Variants in PIP5K1B observed in about 807,000 individuals in gnomAD.
The protein encoded by PIP5K1B is phosphatidylinositol 4-phosphate 5-kinase type-1 beta.
A neutral mutation model predicts 67.0 loss-of-function variants in PIP5K1B; 42 were observed. That is an observed-to-expected ratio of 0.63 (90% confidence interval 0.49 to 0.81). The LOEUF (loss-of-function observed/expected upper bound fraction) is 0.81. PIP5K1B is among the 30% of genes least tolerant of loss of function. The probability of loss-of-function intolerance (pLI) is 0.00; values close to 1 mark genes in which losing one functional copy is unlikely to be tolerated. For synonymous variants in PIP5K1B, 214 were observed against 231.4 expected, an observed-to-expected ratio of 0.92 and a Z score of 0.68; for missense variants, 459 against 646.3, an observed-to-expected ratio of 0.71 and a Z score of 3.14.
chr9:68,881,696 T>C (rs1824206824), intron 6 of PIP5K1B, among the ~76,000 whole-genome samples: 1 of 152,216 alleles, frequency 6.6e-6, no homozygotes, highest in Non-Finnish European at 1.5e-5. Context: ...ATTTGGATTG[T>C]GAGACAGTAT....
chr9:68,977,891 C>T (rs1200408937), intron 14 of PIP5K1B, among the ~76,000 whole-genome samples: 1 of 152,018 alleles, frequency 6.6e-6, no homozygotes, highest in Non-Finnish European at 1.5e-5. Context: ...TTGTGATCCA[C>T]CCACCTTGGC....
In PIP5K1B at chr9:68,962,319, T is replaced by C. The variant is rs1587726251; in HGVS notation, c.1502+21529T>C. Among the ~76,000 whole-genome samples the C allele has an allele frequency of 3.3e-5, 5 of 152,314 alleles. No homozygotes were observed. In the South Asian group the frequency reaches 1.0e-3, roughly 32 times the overall value. On this transcript the variant is annotated intron_variant, in intron 14 of 15. Transcript: ENST00000265382. ...CTAACTAAAGGCAGAAATGTTATTTTTCATATGCAAGTAGAAAAATCAATC... is the reference window on the plus strand; with the variant it reads ...CTAACTAAAGGCAGAAATGTTATTTCTCATATGCAAGTAGAAAAATCAATC...
intron 15 of PIP5K1B, among the ~76,000 whole-genome samples, chr9:68,996,755 G>A (rs989767422): frequency 2.0e-5 from 3 of 152,212 alleles, no homozygotes; most frequent in Non-Finnish European, 2.9e-5. Flanking sequence ...AGTGTATTGG[G>A]AGAGAATATC....
intron 2 of PIP5K1B, chr9:68,782,016 C>T (rs1251326376): frequency 6.0e-6 from 1 of 167,036 alleles, no homozygotes; most frequent in Non-Finnish European, 1.5e-5. Context: ...ACAGGAGCCA[C>T]AGCAATTTTT....
In PIP5K1B at chr9:68,760,885, A is replaced by G. The variant is rs114393301; in HGVS notation, c.-86+18228A>G. Among the ~76,000 whole-genome samples the G allele has an allele frequency of 3.1e-3, 475 of 152,198 alleles. 3 individuals carry two copies. Among genetic ancestry groups the G allele is most frequent in the Middle Eastern group, 0.017 (5 of 292 alleles). On this transcript the variant is annotated intron_variant, in intron 2 of 15. Coordinates refer to ENST00000265382, the MANE Select transcript of PIP5K1B (RefSeq NM_003558.4). ...TTCATTCTAAAGAGTCCTATTCTCA[A>G]ATTTTCCTGTTGACATGTTCTACCT...
rs1016870967 is a variant in PIP5K1B, at chr9:68,966,057, A to C, written c.1503-25083A>C. Among the ~76,000 whole-genome samples the C allele has an allele frequency of 3.9e-5, 6 of 152,062 alleles. No individual in the cohort carries two copies. In the East Asian group the frequency reaches 1.2e-3, roughly 29 times the overall value. ...AGAGGGCACAGGAGCTGACTGAAAG[A>C]GCTCTCAATAGCTAAAATTGGAACA... On this transcript the variant is annotated intron_variant, in intron 14 of 15. Transcript: ENST00000265382.
intron 7 of PIP5K1B, among the ~76,000 whole-genome samples, chr9:68,893,333 C>CTTTTTTTTTTTT (rs397792694): frequency 1.8e-5 from 2 of 110,954 alleles, no homozygotes; most frequent in Non-Finnish European, 3.4e-5. Context: ...TATTTTTTTT[C>CTTTTTTTTTTTT]TTTTTTTTTT....
chr9:68,896,314 T>C (rs1191378314), intron 8 of PIP5K1B, among the ~76,000 whole-genome samples: 1 of 151,402 alleles, frequency 6.6e-6, no homozygotes, highest in Non-Finnish European at 1.5e-5. Flanking sequence ...AAAGCCTTTA[T>C]CTGCTGCCTT....
chr9:68,914,757 A>C (rs1028999404), intron 8 of PIP5K1B, among the ~76,000 whole-genome samples: 5 of 152,094 alleles, frequency 3.3e-5, no homozygotes, highest in Admixed American at 3.3e-4. Context: ...AAAAAGAAAA[A>C]GACAAGAGAA....
chr9:68,792,368 C>T (rs559416059), intron 2 of PIP5K1B, among the ~76,000 whole-genome samples: 3 of 152,260 alleles, frequency 2.0e-5, no homozygotes, highest in Admixed American at 6.5e-5. Flanking sequence ...ATGATATTTG[C>T]GGTGAGATTT....
intron 3 of PIP5K1B, among the ~76,000 whole-genome samples, chr9:68,819,725 T>A (rs1833634142): frequency 6.6e-6 from 1 of 152,188 alleles, no homozygotes; most frequent in African/African-American, 2.4e-5. Context: ...AGTTTACCAG[T>A]ACATCCCCAA....
chr9:68,994,365 T>C (rs1830518211), intron 15 of PIP5K1B, among the ~76,000 whole-genome samples: 3 of 152,158 alleles, frequency 2.0e-5, no homozygotes, highest in Admixed American at 6.6e-5. Flanking sequence ...TATTCATTAA[T>C]TTAAAACAGT....
At chr9:68,986,018 G>A (rs1173678301) in intron 14 of PIP5K1B, among the ~76,000 whole-genome samples, 1 of 152,154 alleles carries the variant, frequency 6.6e-6, no homozygotes, top group African/African-American at 2.4e-5. Flanking sequence ...GGACGTTTGA[G>A]TTGTTTCCAC....
intron 6 of PIP5K1B, among the ~76,000 whole-genome samples, chr9:68,887,697 T>G (rs1394462831): frequency 1.3e-5 from 2 of 152,030 alleles, no homozygotes; most frequent in African/African-American, 4.8e-5. Context: ...GCCATAACAA[T>G]CCAGGCATGA....
chr9:68,909,641 G>T (rs924812939), intron 8 of PIP5K1B, among the ~76,000 whole-genome samples: 1 of 152,144 alleles, frequency 6.6e-6, no homozygotes, highest in African/African-American at 2.4e-5. Flanking sequence ...GGATTTTGCT[G>T]ATTACACCAC....
At chr9:68,758,982 C>T (rs555578644) in intron 2 of PIP5K1B, among the ~76,000 whole-genome samples, 8 of 152,200 alleles carry the variant, frequency 5.3e-5, no homozygotes, top group African/African-American at 1.9e-4. Context: ...ACTCAGAGTT[C>T]TATATTCAGC....
intron 3 of PIP5K1B, among the ~76,000 whole-genome samples, chr9:68,819,685 ATCATTGTGACCAT>A (rs1833631375): frequency 6.6e-6 from 1 of 152,242 alleles, no homozygotes; most frequent in African/African-American, 2.4e-5. Flanking sequence ...AACAGTAGTC[ATCATTGTGACCAT>A]TGTAATGGCC....
chr9:68,724,224 G>A (rs1273222846), intron 1 of PIP5K1B, among the ~76,000 whole-genome samples: 1 of 124,444 alleles, frequency 8.0e-6, no homozygotes, highest in Non-Finnish European at 1.6e-5. Flanking sequence ...CTATGTGTCT[G>A]TGTTTTTTTT....
At position 68,862,030 on chromosome 9, in the gene PIP5K1B, T is replaced by G. The variant is rs533546385; in HGVS notation, c.70-1807T>G. Among the ~76,000 whole-genome samples the G allele has an allele frequency of 2.0e-5, 3 of 152,236 alleles. No individual in the cohort carries two copies. In the South Asian group the frequency reaches 6.2e-4, roughly 32 times the overall value. ...AAAAACACGAAGACATTTTTCTACC[T>G]CCTTAAGTGTCAAGGATGTAGATAG... On this transcript the variant is annotated intron_variant, in intron 4 of 15. Transcript: ENST00000265382.
Sources: allele counts gnomAD v4.1 joint callset (sites outside exome capture counted in the v4.1 genomes callset), GRCh38; gene constraint gnomAD v4.1.1; transcripts MANE v1.5; gene names NCBI Gene and HGNC (gene_info 2026-07-23, HGNC 2026-07-21).